Variants in MYO3A observed in about 807,000 individuals in gnomAD.
MYO3A encodes the protein myosin IIIA.
MYO3A carries 180 observed loss-of-function variants against 192.7 expected under a neutral mutation model. The observed-to-expected ratio is 0.93, with a 90% CI of 0.83 to 1.06. The LOEUF is 1.06. Ranked by LOEUF, MYO3A falls within the 50% of genes least tolerant of loss-of-function variation. The pLI is 0.00. For synonymous variants in MYO3A, 628 were observed against 645.3 expected, an observed-to-expected ratio of 0.97 and a Z score of 0.41; for missense variants, 1,896 against 1,905.0, an observed-to-expected ratio of 1.00 and a Z score of 0.09.
intron 6 of MYO3A, among the ~76,000 whole-genome samples, chr10:26,009,510 C>T (rs185339355): frequency 3.6e-4 from 55 of 152,310 alleles, no homozygotes; most frequent in African/African-American, 1.3e-3. Flanking sequence ...TGCTTGCTGC[C>T]TCCTACTCTC....
chr10:26,175,236 T>C (rs1842267341), intron 30 of MYO3A, among the ~76,000 whole-genome samples: 1 of 152,244 alleles, frequency 6.6e-6, no homozygotes, highest in African/African-American at 2.4e-5. Context: ...CTCTGATACA[T>C]ACAATTTATC....
intron 14 of MYO3A, among the ~76,000 whole-genome samples, chr10:26,078,215 TGATTTAAGCTA>T (rs1388106054): frequency 6.6e-6 from 1 of 151,724 alleles, no homozygotes; most frequent in Non-Finnish European, 1.5e-5. Context: ...TGATTCTTCC[TGATTTAAGCTA>T]CAAGGGTTGT....
At chr10:25,947,369 G>T (rs140517684) in intron 2 of MYO3A, among the ~76,000 whole-genome samples, 3,290 of 145,532 alleles carry the variant, frequency 0.023, 50 homozygotes, top group Non-Finnish European at 0.037. Context: ...GCATAAGATG[G>T]TATTATTTCT....
chr10:26,187,355 G>A (rs1056000674), intron 31 of MYO3A, among the ~76,000 whole-genome samples: 2 of 152,200 alleles, frequency 1.3e-5, no homozygotes, highest in Non-Finnish European at 2.9e-5. Flanking sequence ...TTAAACAGCA[G>A]AAACTTACTT....
intron 10 of MYO3A, among the ~76,000 whole-genome samples, chr10:26,032,413 G>A (rs919877848): frequency 4.0e-5 from 6 of 151,680 alleles, no homozygotes; most frequent in Non-Finnish European, 7.4e-5. Flanking sequence ...TCAGGAATTC[G>A]AGACCAGCCT....
chr10:26,168,921 T>C (rs1841905334), intron 28 of MYO3A, 47 bp downstream of exon 28: 2 of 1,550,196 alleles, frequency 1.3e-6, no homozygotes, highest in Middle Eastern at 2.3e-4. Flanking sequence ...TCAAATCTTA[T>C]AATACTTCTT....
At chr10:25,976,132 T>C (rs1297627435) in intron 4 of MYO3A, among the ~76,000 whole-genome samples, 2 of 152,206 alleles carry the variant, frequency 1.3e-5, no homozygotes, top group African/African-American at 4.8e-5. Flanking sequence ...AATTGTACTC[T>C]TATACACTGC....
intron 31 of MYO3A, among the ~76,000 whole-genome samples, chr10:26,192,127 G>A (rs1050207535): frequency 6.6e-6 from 1 of 152,166 alleles, no homozygotes; most frequent in Non-Finnish European, 1.5e-5. Flanking sequence ...TATTAGCTCT[G>A]TAAATACAAA....
intron 20 of MYO3A, among the ~76,000 whole-genome samples, chr10:26,143,045 G>A (rs1018577905): frequency 1.3e-5 from 2 of 152,078 alleles, no homozygotes; most frequent in African/African-American, 4.8e-5. Context: ...TAAGAGCAAG[G>A]TCAGGCCGGG....
chr10:25,950,626 G>C (rs1247307161), intron 2 of MYO3A, among the ~76,000 whole-genome samples: 1 of 152,098 alleles, frequency 6.6e-6, no homozygotes, highest in Non-Finnish European at 1.5e-5. Flanking sequence ...AGGAGAATAT[G>C]ATGGAAAAAG....
intron 23 of MYO3A, 64 bp from the exon 24 acceptor site, chr10:26,153,786 G>A (rs553220585): frequency 1.8e-5 from 19 of 1,067,272 alleles, no homozygotes; most frequent in South Asian, 1.0e-4. Context: ...TTAAGTAAAT[G>A]GGAAAAATCA....
chr10:26,145,780 G>T (rs1264045719), intron 22 of MYO3A, among the ~76,000 whole-genome samples: 1 of 152,160 alleles, frequency 6.6e-6, no homozygotes, highest in Non-Finnish European at 1.5e-5. Context: ...TGCTGAAGAG[G>T]TTAAAAGAAA....
chr10:26,209,093 A>C (rs1028077898), intron 34 of MYO3A, among the ~76,000 whole-genome samples: 6 of 152,126 alleles, frequency 3.9e-5, no homozygotes, highest in African/African-American at 1.2e-4. Context: ...TCAGCTGACA[A>C]CCTTCTTTTA....
intron 31 of MYO3A, among the ~76,000 whole-genome samples, chr10:26,190,410 C>A (rs1304276463): frequency 6.6e-6 from 1 of 152,150 alleles, no homozygotes; most frequent in Non-Finnish European, 1.5e-5. Flanking sequence ...ACTGCGGGTT[C>A]ATTTGAGTCT....
chr10:26,153,763 C>A, intron 23 of MYO3A, 87 bp from the exon 24 acceptor site: 1 of 872,124 alleles, frequency 1.1e-6, no homozygotes, highest in South Asian at 1.4e-5. Flanking sequence ...ATTAACAATG[C>A]TTATTTTAAC....
At chr10:25,968,059 A>C (rs75837529) in intron 4 of MYO3A, among the ~76,000 whole-genome samples, 6,567 of 152,236 alleles carry the variant, frequency 0.043, 182 homozygotes, top group Middle Eastern at 0.068. Flanking sequence ...TTTGCTGAGC[A>C]CTAAGAAGCT....
chr10:25,953,554 C>A (rs1414981269), intron 3 of MYO3A, among the ~76,000 whole-genome samples: 1 of 152,012 alleles, frequency 6.6e-6, no homozygotes, highest in Non-Finnish European at 1.5e-5. Context: ...TTTCCTGTAG[C>A]CTTTGCATTA....
chr10:26,183,692 G>A (rs2132095322), intron 31 of MYO3A, among the ~76,000 whole-genome samples: 1 of 152,260 alleles, frequency 6.6e-6, no homozygotes, highest in Admixed American at 6.5e-5. Context: ...CATTCAGTTG[G>A]CAGGAAGAGA....
At chr10:26,075,276 A>AT (rs1035406109) in intron 14 of MYO3A, among the ~76,000 whole-genome samples, 13 of 150,388 alleles carry the variant, frequency 8.6e-5, no homozygotes, top group African/African-American at 2.4e-4. Flanking sequence ...ATTTTTATTT[A>AT]TTTTTTTTAA....
Sources: gnomAD v4.1 joint callset for allele counts (sites outside exome capture counted in the v4.1 genomes callset) on GRCh38, gnomAD v4.1.1 for gene constraint, MANE v1.5 for transcripts, NCBI Gene and HGNC (gene_info 2026-07-23, HGNC 2026-07-21) for gene names.